GSE1: variants seen among roughly 807,000 people sequenced by gnomAD.
GSE1 encodes the protein Gse1 coiled-coil protein.
GSE1 carries 32 observed loss-of-function variants against 112.6 expected under a neutral mutation model. That is an observed-to-expected ratio of 0.28 (90% CI 0.21 to 0.38). The LOEUF (loss-of-function observed/expected upper bound fraction) is 0.38, where lower values mean the gene tolerates loss of function less well. Among genes scored for constraint, GSE1 ranks in the 10% least tolerant of loss-of-function variants. The pLI is 1.00. For missense variants in GSE1, 2,348 were observed against 1,699.2 expected, an observed-to-expected ratio of 1.38 and a Z score of -6.71; for synonymous variants, 1,115 against 735.6, an observed-to-expected ratio of 1.52 and a Z score of -8.35.
At chr16:85,382,777 GCATGCACACACACAACA>G (rs970686401) in intron 2 of GSE1, among the ~76,000 whole-genome samples, 83 of 150,328 alleles carry the variant, frequency 5.5e-4, no homozygotes, top group African/African-American at 1.9e-3. Context: ...GCACACCCAT[GCATGCACACACACAACA>G]CATGCACACA....
intron 2 of GSE1, among the ~76,000 whole-genome samples, chr16:85,434,875 C>T (rs1355037959): frequency 6.6e-6 from 1 of 152,184 alleles, no homozygotes; most frequent in African/African-American, 2.4e-5. Flanking sequence ...TGGGCTTGCC[C>T]ATCTTGGTCT....
intron 2 of GSE1, among the ~76,000 whole-genome samples, chr16:85,640,863 G>A (rs550191663): frequency 7.2e-4 from 110 of 152,344 alleles, no homozygotes; most frequent in Non-Finnish European, 1.4e-3. Flanking sequence ...TGTGAGCGCC[G>A]CGGGCGTCCT....
intron 1 of GSE1, among the ~76,000 whole-genome samples, chr16:85,616,119 C>T (rs1266878581): frequency 6.6e-6 from 1 of 152,258 alleles, no homozygotes; most frequent in East Asian, 1.9e-4. Context: ...CAAGTCTGCA[C>T]AGCGCCACTC....
At chr16:85,315,848 C>T (rs771929160) in intron 1 of GSE1, among the ~76,000 whole-genome samples, 7 of 152,172 alleles carry the variant, frequency 4.6e-5, no homozygotes, top group South Asian at 2.1e-4. Flanking sequence ...ATAAAGGCTT[C>T]GGAGCAAACC....
At chr16:85,517,210 G>A in intron 2 of GSE1, among the ~76,000 whole-genome samples, 1 of 152,016 alleles carries the variant, frequency 6.6e-6, no homozygotes, top group Non-Finnish European at 1.5e-5. Flanking sequence ...CAGCACACAG[G>A]GACCATCAGA....
chr16:85,620,968 G>A (rs573048103), intron 1 of GSE1, among the ~76,000 whole-genome samples: 16 of 151,038 alleles, frequency 1.1e-4, no homozygotes, highest in Non-Finnish European at 1.2e-4. Context: ...TGGGGAACCC[G>A]TGTAGATGGT....
exon 1 of GSE1, chr16:85,556,293 C>A (rs761664278): frequency 1.2e-3 from 1,175 of 983,298 alleles, no homozygotes; most frequent in Non-Finnish European, 1.3e-3. Context: ...CTTCTTCATC[C>A]CTCTCTGGCC....
At chr16:85,436,849 G>A (rs1045216640) in intron 2 of GSE1, among the ~76,000 whole-genome samples, 1 of 152,226 alleles carries the variant, frequency 6.6e-6, no homozygotes, top group African/African-American at 2.4e-5. Context: ...AGTGTGGGCT[G>A]GGCTCGGTTC....
intron 2 of GSE1, among the ~76,000 whole-genome samples, chr16:85,460,705 G>A (rs1354685898): frequency 6.6e-6 from 1 of 152,174 alleles, no homozygotes; most frequent in Non-Finnish European, 1.5e-5. Context: ...GGAGGCCAGG[G>A]CGGAGCACCC....
At chr16:85,276,177 C>T (rs1335765155) in intron 1 of GSE1, among the ~76,000 whole-genome samples, 1 of 152,248 alleles carries the variant, frequency 6.6e-6, no homozygotes, top group African/African-American at 2.4e-5. Flanking sequence ...GCAGGCCAGG[C>T]CTGTTGTTTC....
intron 2 of GSE1, among the ~76,000 whole-genome samples, chr16:85,414,989 G>A (rs977640909): frequency 1.3e-5 from 2 of 152,102 alleles, no homozygotes; most frequent in African/African-American, 4.8e-5. Context: ...CTGTTGCCTA[G>A]GCTAGAGTGC....
intron 2 of GSE1, among the ~76,000 whole-genome samples, chr16:85,482,144 T>C (rs7200362): frequency 0.68 from 103,393 of 152,158 alleles, 36,432 homozygotes; most frequent in African/African-American, 0.88. Flanking sequence ...GGCCTTGGCA[T>C]GATGCTCAGT....
intron 2 of GSE1, among the ~76,000 whole-genome samples, chr16:85,453,311 C>T (rs1030544518): frequency 4.6e-5 from 7 of 152,154 alleles, no homozygotes; most frequent in African/African-American, 7.2e-5. Flanking sequence ...CTTCCCTCCG[C>T]GGAGGCTGGG....
At chr16:85,276,242 A>G (rs889111022) in intron 1 of GSE1, among the ~76,000 whole-genome samples, 2 of 152,250 alleles carry the variant, frequency 1.3e-5, no homozygotes, top group African/African-American at 4.8e-5. Flanking sequence ...CATGCTGAGC[A>G]TTGCTTTCTG....
chr16:85,263,059 G>A (rs966062907), intron 1 of GSE1, among the ~76,000 whole-genome samples: 1 of 152,184 alleles, frequency 6.6e-6, no homozygotes, highest in Non-Finnish European at 1.5e-5. Context: ...GGCGGGGGCC[G>A]GGCTCGCTTA....
chr16:85,200,689 A>T (rs2075011418), intron 1 of GSE1, among the ~76,000 whole-genome samples: 1 of 152,192 alleles, frequency 6.6e-6, no homozygotes, highest in Non-Finnish European at 1.5e-5. Context: ...GCAAGGGGAC[A>T]GTTCAAGGGC....
At chr16:85,654,042 G>C (rs987346251) in intron 3 of GSE1, among the ~76,000 whole-genome samples, 18 of 152,254 alleles carry the variant, frequency 1.2e-4, no homozygotes, top group African/African-American at 4.3e-4. Context: ...CCCAGGGAGG[G>C]AGACGGATCC....
intron 1 of GSE1, among the ~76,000 whole-genome samples, chr16:85,601,188 A>C (rs1034775251): frequency 1.3e-5 from 2 of 151,740 alleles, no homozygotes; most frequent in Non-Finnish European, 2.9e-5. Context: ...ACGCTTCCAG[A>C]CGCCCCTAGT....
chr16:85,401,238 C>T (rs1008234775), intron 2 of GSE1, among the ~76,000 whole-genome samples: 19 of 152,260 alleles, frequency 1.2e-4, no homozygotes, highest in Non-Finnish European at 2.5e-4. Flanking sequence ...CATTATTCTC[C>T]CTGATACGTT....
Sources: gnomAD v4.1 joint callset for allele counts (sites outside exome capture counted in the v4.1 genomes callset) on GRCh38, gnomAD v4.1.1 for gene constraint, MANE v1.5 for transcripts, NCBI Gene and HGNC (gene_info 2026-07-23, HGNC 2026-07-21) for gene names.